The following MTA3 variants were observed in gnomAD, a reference collection of about 807,000 sequenced individuals.
The protein encoded by MTA3 is metastasis associated 1 family member 3.
MTA3 carries 34 observed loss-of-function variants against 83.5 expected under a neutral mutation model. That is an observed-to-expected ratio of 0.41 (90% CI 0.31 to 0.54). The LOEUF is 0.54. Ranked by LOEUF, MTA3 falls within the 20% of genes least tolerant of loss-of-function variation. The pLI is 0.33. For missense variants in MTA3, 761 were observed against 726.4 expected (o/e 1.05, Z -0.55); for synonymous variants, 303 against 252.7 (o/e 1.20, Z -1.89).
intron 4 of MTA3, among the ~76,000 whole-genome samples, chr2:42,639,468 G>A: frequency 6.6e-6 from 1 of 152,046 alleles, no homozygotes; most frequent in Non-Finnish European, 1.5e-5. Flanking sequence ...CGTAATAAAT[G>A]CCTCTACCTA....
upstream of MTA3, among the ~76,000 whole-genome samples, chr2:42,564,536 A>G (rs1008373849): frequency 6.6e-6 from 1 of 152,192 alleles, no homozygotes; most frequent in African/African-American, 2.4e-5. Context: ...TTTAAAACCC[A>G]GGCCCTCCTT....
At chr2:42,675,382 C>T (rs983587493) in intron 8 of MTA3, among the ~76,000 whole-genome samples, 5 of 152,292 alleles carry the variant, frequency 3.3e-5, no homozygotes, top group African/African-American at 9.6e-5. Flanking sequence ...GGTCCGCCTG[C>T]GTTGGCCTCC....
At chr2:42,592,602 T>A (rs1681148611) in intron 3 of MTA3, among the ~76,000 whole-genome samples, 1 of 152,262 alleles carries the variant, frequency 6.6e-6, no homozygotes, top group Non-Finnish European at 1.5e-5. Flanking sequence ...TCATTTTCAC[T>A]TTTTAAACTT....
chr2:42,551,226 T>C (rs1370876276), intron 2 of MTA3, among the ~76,000 whole-genome samples: 1 of 152,112 alleles, frequency 6.6e-6, no homozygotes, highest in Non-Finnish European at 1.5e-5. Flanking sequence ...AGTCTTGCTC[T>C]GTCGCCCAGG....
At chr2:42,494,506 T>A (rs1014528141), upstream of MTA3, 2 of 152,238 alleles carry the variant, frequency 1.3e-5, no homozygotes, top group Non-Finnish European at 2.9e-5. Flanking sequence ...TTGCTCTTCC[T>A]ACCGCCGCGC....
At chr2:42,627,602 C>G (rs545112847) in intron 4 of MTA3, among the ~76,000 whole-genome samples, 63 of 151,640 alleles carry the variant, frequency 4.2e-4, no homozygotes, top group African/African-American at 1.5e-3. Flanking sequence ...CTCGCTCTGT[C>G]TCTCAGGTTG....
chr2:42,638,705 ATT>A (rs11367464), intron 4 of MTA3, among the ~76,000 whole-genome samples: 41,306 of 145,400 alleles, frequency 0.28, 5,833 homozygotes, highest in South Asian at 0.37. Flanking sequence ...AGTGATGTTA[ATT>A]TTTTTTTTTT....
At chr2:42,646,545 G>C (rs1179661030) in intron 6 of MTA3, among the ~76,000 whole-genome samples, 1 of 152,192 alleles carries the variant, frequency 6.6e-6, no homozygotes, top group Non-Finnish European at 1.5e-5. Context: ...TCCAACACTC[G>C]TGGATAACTT....
At chr2:42,631,336 T>C (rs768982270) in intron 4 of MTA3, among the ~76,000 whole-genome samples, 3 of 152,210 alleles carry the variant, frequency 2.0e-5, no homozygotes, top group African/African-American at 7.2e-5. Context: ...TAGCATGCTC[T>C]TTTTGGAAGA....
chr2:42,711,124 A>T (rs990385845), intron 14 of MTA3, among the ~76,000 whole-genome samples: 5 of 152,192 alleles, frequency 3.3e-5, no homozygotes, highest in African/African-American at 1.2e-4. Flanking sequence ...TTTAAGAATG[A>T]AAATGAATGA....
intron 8 of MTA3, 125 bp downstream of exon 8, chr2:42,659,987 A>AT (rs1689522881): frequency 1.9e-6 from 1 of 516,546 alleles, no homozygotes; most frequent in African/African-American, 2.0e-5. Flanking sequence ...TGCTAGGTTG[A>AT]TTTGGCTTGG....
chr2:42,599,921 G>T (rs1682343437), intron 3 of MTA3, among the ~76,000 whole-genome samples: 1 of 151,902 alleles, frequency 6.6e-6, no homozygotes, highest in South Asian at 2.1e-4. Context: ...TATGGGCCAG[G>T]CATGGTGGCT....
chr2:42,597,912 G>A (rs890397675), intron 3 of MTA3, among the ~76,000 whole-genome samples: 5 of 151,792 alleles, frequency 3.3e-5, no homozygotes, highest in African/African-American at 1.2e-4. Flanking sequence ...GAACTCCTGG[G>A]GTGAAGCGAT....
chr2:42,664,621 A>C (rs1209808346), intron 8 of MTA3, among the ~76,000 whole-genome samples: 2 of 151,978 alleles, frequency 1.3e-5, no homozygotes, highest in South Asian at 4.1e-4. Flanking sequence ...AGCTGAGATT[A>C]CAGGCGTCCG....
chr2:42,745,888 G>A (rs4953633), intron 16 of MTA3, among the ~76,000 whole-genome samples: 46,927 of 140,132 alleles, frequency 0.33, 7,621 homozygotes, highest in Admixed American at 0.45. Flanking sequence ...ATCTTAGCTC[G>A]CTGCAACCTC....
intron 2 of MTA3, among the ~76,000 whole-genome samples, chr2:42,527,374 C>T (rs1675764383): frequency 6.6e-6 from 1 of 152,168 alleles, no homozygotes; most frequent in Non-Finnish European, 1.5e-5. Flanking sequence ...CAACTCCTCC[C>T]TTTGTTCTTT....
intron 14 of MTA3, among the ~76,000 whole-genome samples, chr2:42,716,345 A>G (rs923100508): frequency 1.3e-5 from 2 of 152,156 alleles, no homozygotes; most frequent in African/African-American, 4.8e-5. Context: ...AACTTTTAAA[A>G]AAGTTCAGGG....
intron 3 of MTA3, among the ~76,000 whole-genome samples, chr2:42,608,714 C>T (rs895582844): frequency 6.6e-6 from 1 of 152,088 alleles, no homozygotes; most frequent in African/African-American, 2.4e-5. Flanking sequence ...GTAACGCTGT[C>T]TCTACTAAAA....
upstream of MTA3, among the ~76,000 whole-genome samples, chr2:42,565,331 T>C (rs912432566): frequency 9.3e-5 from 14 of 150,894 alleles, no homozygotes; most frequent in African/African-American, 3.4e-4. Context: ...GGACCATAGG[T>C]GCGCACCAAC....
Sources: allele counts gnomAD v4.1 joint callset (sites outside exome capture counted in the v4.1 genomes callset), GRCh38; gene constraint gnomAD v4.1.1; transcripts MANE v1.5; gene names NCBI Gene and HGNC (gene_info 2026-07-23, HGNC 2026-07-21).